The following MAMLD1 variants were observed in gnomAD, a reference collection of about 807,000 sequenced individuals.
MAMLD1 encodes mastermind-like domain-containing protein 1.
A neutral mutation model predicts 45.0 loss-of-function variants in MAMLD1; 14 were observed. The ratio of observed to expected loss-of-function variants is 0.31; its 90% CI spans 0.21 to 0.49. The LOEUF (loss-of-function observed/expected upper bound fraction) is 0.49. Among genes scored for constraint, MAMLD1 ranks in the 20% least tolerant of loss-of-function variants. The pLI is 0.99. For missense variants in MAMLD1, 543 were observed against 603.6 expected (o/e 0.90, Z 1.05); for synonymous variants, 254 against 247.8 (o/e 1.02, Z -0.24).
At chrX:150,481,964 A>AGAAAG (rs36197496) in intron 5 of MAMLD1, among the ~76,000 whole-genome samples, 12 of 56,587 alleles carry the variant, frequency 2.1e-4, no homozygotes, top group African/African-American at 7.9e-4. Context: ...AAAGAAAGAA[A>AGAAAG]AAAGAAAGAA....
intron 5 of MAMLD1, among the ~76,000 whole-genome samples, chrX:150,490,369 C>T (rs2148336774): frequency 8.9e-6 from 1 of 112,347 alleles, no homozygotes; most frequent in African/African-American, 3.2e-5. Flanking sequence ...TTGTTTTTCC[C>T]CCTTTCCATT....
Position 150,514,033 on chromosome X carries a change from T to A in MAMLD1, c.*2074T>A, listed in dbSNP as rs2037973422. ...TATAGAAAACCCACACCCACTGTCC[T>A]GTAAACTTTTCTCAGTGTCCAGACT... is the stretch of plus-strand genomic sequence containing the variant. On this transcript the variant is annotated 3_prime_UTR_variant, in exon 8 of 8. Coordinates refer to ENST00000370401, the MANE Select transcript of MAMLD1 (RefSeq NM_005491.5). 3.5e-6 allele frequency: 1 copy of A among 287,351 alleles called. No individual in the cohort carries two copies. The highest frequency in any genetic ancestry group is 6.2e-5 in the Admixed American group (1 of 16,007). 23.7% of individuals were successfully genotyped at this position (287,351 alleles called of 1,213,427 possible).
At chrX:150,477,668 G>A (rs1557406918) in intron 5 of MAMLD1, among the ~76,000 whole-genome samples, 1 of 111,481 alleles carries the variant, frequency 9.0e-6, no homozygotes, top group Non-Finnish European at 1.9e-5. Context: ...CTCTAAGCAC[G>A]GCCAGCTGAA....
intron 1 of MAMLD1, among the ~76,000 whole-genome samples, chrX:150,426,554 G>A (rs1431047406): frequency 8.9e-6 from 1 of 112,300 alleles, no homozygotes; most frequent in Non-Finnish European, 1.9e-5. Context: ...TTTGCCATGA[G>A]CAAAGTATTT....
chrX:150,378,502 C>A (rs919843272), intron 1 of MAMLD1, among the ~76,000 whole-genome samples: 1 of 111,825 alleles, frequency 8.9e-6, no homozygotes, highest in African/African-American at 3.3e-5. Flanking sequence ...TATCCTAGTA[C>A]ACCTCAAACT....
intron 1 of MAMLD1, among the ~76,000 whole-genome samples, chrX:150,419,498 T>G (rs1297528374): frequency 9.2e-6 from 1 of 108,907 alleles, no homozygotes; most frequent in Non-Finnish European, 1.9e-5. Flanking sequence ...TAGCTGGTTA[T>G]TTTGCTTGTT....
At chrX:150,479,677 G>A (rs782628664) in intron 5 of MAMLD1, among the ~76,000 whole-genome samples, 2 of 111,946 alleles carry the variant, frequency 1.8e-5, no homozygotes, top group Non-Finnish European at 3.8e-5. Flanking sequence ...TCATTGTGTC[G>A]TGCTGCTTTA....
intron 2 of MAMLD1, among the ~76,000 whole-genome samples, chrX:150,461,821 A>C (rs1322551280): frequency 8.9e-6 from 1 of 112,183 alleles, no homozygotes; most frequent in Non-Finnish European, 1.9e-5. Flanking sequence ...CTCCCAAAAA[A>C]GGGAAGCTTC....
intron 1 of MAMLD1, among the ~76,000 whole-genome samples, chrX:150,398,827 A>G (rs1292482352): frequency 1.8e-5 from 2 of 111,129 alleles, no homozygotes; most frequent in African/African-American, 6.6e-5. Flanking sequence ...GTTCTTTTTT[A>G]TCCATGTCTG....
chrX:150,503,561 G>A, intron 6 of MAMLD1, 44 bp downstream of exon 6: 1 of 810,023 alleles, frequency 1.2e-6, no homozygotes, highest in Non-Finnish European at 1.8e-6. Context: ...ATCTGTCAAC[G>A]GGGCACAGTC....
chrX:150,483,180 CA>C (rs1853712038), intron 5 of MAMLD1, among the ~76,000 whole-genome samples: 2 of 112,394 alleles, frequency 1.8e-5, no homozygotes, highest in Non-Finnish European at 3.8e-5. Flanking sequence ...CACCTCTGAC[CA>C]ATGCCAAAAT....
chrX:150,395,977 CT>C (rs1337104374), intron 1 of MAMLD1, among the ~76,000 whole-genome samples: 4 of 102,611 alleles, frequency 3.9e-5, no homozygotes, highest in East Asian at 6.0e-4. Context: ...GTTTAATGTG[CT>C]TTTTTTTTTC....
intron 5 of MAMLD1, among the ~76,000 whole-genome samples, chrX:150,481,182 T>A (rs1442105600): frequency 8.9e-6 from 1 of 112,959 alleles, no homozygotes; most frequent in Non-Finnish European, 1.9e-5. Flanking sequence ...CATCCCTGAG[T>A]GGGAATAACT....
intron 5 of MAMLD1, among the ~76,000 whole-genome samples, chrX:150,486,309 T>A (rs1203280351): frequency 9.0e-6 from 1 of 111,634 alleles, no homozygotes; most frequent in Non-Finnish European, 1.9e-5. Flanking sequence ...AGAATCTCTG[T>A]CAGAAGAGCC....
chrX:150,425,369 A>G (rs2034668358), intron 1 of MAMLD1, among the ~76,000 whole-genome samples: 2 of 112,480 alleles, frequency 1.8e-5, no homozygotes, highest in African/African-American at 6.5e-5. Context: ...TCTCCACATC[A>G]CTTTGAGCTT....
At chrX:150,467,586 A>C (rs2036262941) in intron 3 of MAMLD1, among the ~76,000 whole-genome samples, 1 of 112,714 alleles carries the variant, frequency 8.9e-6, no homozygotes, top group South Asian at 3.6e-4. Context: ...GCCCTTGTTC[A>C]GATTGTGGGC....
intron 1 of MAMLD1, among the ~76,000 whole-genome samples, chrX:150,442,743 A>G (rs1433061154): frequency 8.9e-6 from 1 of 111,739 alleles, no homozygotes; most frequent in African/African-American, 3.2e-5. Flanking sequence ...TTCTCTTTCC[A>G]TTGGTCTTTA....
chrX:150,503,136 G>A (rs2037614420), intron 5 of MAMLD1, 138 bp from the exon 6 acceptor site: 2 of 577,872 alleles, frequency 3.5e-6, no homozygotes, highest in Admixed American at 4.5e-5. Context: ...AAGCTGTTTG[G>A]TTTCGTTCCA....
chrX:150,410,261 C>T (rs12008806), intron 1 of MAMLD1, among the ~76,000 whole-genome samples: 29,226 of 111,367 alleles, frequency 0.26, 3,599 homozygotes, highest in African/African-American at 0.46. Flanking sequence ...GAATGTCTGG[C>T]ACCTTTATAG....
Sources: allele counts gnomAD v4.1 joint callset (sites outside exome capture counted in the v4.1 genomes callset), GRCh38; gene constraint gnomAD v4.1.1; transcripts MANE v1.5; gene names NCBI Gene and HGNC (gene_info 2026-07-23, HGNC 2026-07-21).